TXNRD3: variants seen among roughly 807,000 people sequenced by gnomAD.
The protein encoded by TXNRD3 is TXNRD3 neighbor gene protein.
A neutral mutation model predicts 78.2 loss-of-function variants in TXNRD3; 68 were observed. That is an observed-to-expected ratio of 0.87 (90% CI 0.72 to 1.06). TXNRD3 has a LOEUF of 1.06. Among genes scored for constraint, TXNRD3 ranks in the 50% least tolerant of loss-of-function variants. TXNRD3 has a pLI of 0.00. For synonymous variants in TXNRD3, 296 were observed against 300.1 expected, an observed-to-expected ratio of 0.99 and a Z score of 0.14; for missense variants, 751 against 809.5, an observed-to-expected ratio of 0.93 and a Z score of 0.88.
At position 126,644,269 on chromosome 3, in the gene TXNRD3, T is replaced by C. The variant is rs536481945; in HGVS notation, c.519+28A>G. 13 of 1,515,184 alleles carry C rather than the reference T, an allele frequency of 8.6e-6. No individual in the cohort carries two copies. In the East Asian group the frequency reaches 3.2e-4, roughly 37 times the overall value. The allele number at this position is 1,515,184 out of a possible 1,614,324, so 93.9% of individuals were successfully genotyped here. On this transcript the variant is annotated intron_variant, in intron 4 of 15. Transcript: ENST00000524230. ...GCTATGGCAGTCATCAGGAAAATTA[T>C]CTACGAGTTTCATTTCTATATTCAT... is the stretch of plus-strand genomic sequence containing the variant.
intron 1 of TXNRD3, among the ~76,000 whole-genome samples, chr3:126,648,444 C>G (rs187086116): frequency 6.6e-5 from 10 of 152,270 alleles, no homozygotes. Flanking sequence ...AACAACAAAA[C>G]TTACTACAAA....
At chr3:126,628,457 C>T (rs1229580795) in intron 10 of TXNRD3, among the ~76,000 whole-genome samples, 1 of 152,030 alleles carries the variant, frequency 6.6e-6, no homozygotes, top group East Asian at 1.9e-4. Flanking sequence ...ATAAATTTTT[C>T]AGTAAGAGTT....
chr3:126,628,239 T>C lies in TXNRD3; in HGVS notation c.1290+1140A>G, dbSNP rs377061945. Among the ~76,000 whole-genome samples the C allele has an allele frequency of 2.6e-3, 399 of 152,236 alleles. 2 individuals are homozygous for C. Among genetic ancestry groups the C allele is most frequent in the African/African-American group, 9.1e-3 (380 of 41,552 alleles). On this transcript the variant is annotated intron_variant, in intron 10 of 15. Transcript: ENST00000524230. ...ATATAACAAAACCCTACAGAAAACA[T>C]TGCTTTTTAGTGAAACGTCTTTTCT... is the stretch of plus-strand genomic sequence containing the variant.
At chr3:126,620,182 C>T (rs1306795068) in intron 12 of TXNRD3, among the ~76,000 whole-genome samples, 1 of 151,776 alleles carries the variant, frequency 6.6e-6, no homozygotes, top group Admixed American at 6.6e-5. Flanking sequence ...GTAGTCCCAG[C>T]TACCTGGGAG....
intron 8 of TXNRD3, 87 bp downstream of exon 8, chr3:126,631,677 G>T: frequency 3.8e-6 from 3 of 793,344 alleles, no homozygotes; most frequent in Non-Finnish European, 6.0e-6. Flanking sequence ...CAAATCTTTT[G>T]TGGAATAAGA....
At chr3:126,614,826 C>T (rs536599501) in intron 13 of TXNRD3, among the ~76,000 whole-genome samples, 38 of 152,342 alleles carry the variant, frequency 2.5e-4, no homozygotes, top group African/African-American at 8.2e-4. Context: ...TATCCTCCCT[C>T]TCCCTCCTAG....
intron 12 of TXNRD3, among the ~76,000 whole-genome samples, chr3:126,618,863 C>CAAAAAAAA (rs36021189): frequency 8.2e-5 from 6 of 73,080 alleles, no homozygotes; most frequent in East Asian, 5.7e-4. Flanking sequence ...AACTCAGAGC[C>CAAAAAAAA]AAAAAAAAAA....
At chr3:126,633,596 A>G (rs992499399) in intron 7 of TXNRD3, among the ~76,000 whole-genome samples, 1 of 152,228 alleles carries the variant, frequency 6.6e-6, no homozygotes, top group African/African-American at 2.4e-5. Context: ...TTCCACTAAT[A>G]AAATTTTGAT....
intron 6 of TXNRD3, among the ~76,000 whole-genome samples, chr3:126,639,199 A>G (rs772980156): frequency 2.0e-5 from 3 of 152,232 alleles, no homozygotes; most frequent in Non-Finnish European, 2.9e-5. Context: ...CAAAATGTGC[A>G]TAATTCAAAT....
chr3:126,617,220 G>A (rs552619298), intron 12 of TXNRD3, among the ~76,000 whole-genome samples: 13 of 151,918 alleles, frequency 8.6e-5, no homozygotes, highest in South Asian at 2.1e-4. Flanking sequence ...GCTTCTTTCC[G>A]TCTTGAGCCT....
chr3:126,650,140 AAGTC>A lies in TXNRD3; in HGVS notation c.244-2848_244-2845del, dbSNP rs1933337490. Among the ~76,000 whole-genome samples, 6 of 152,282 alleles carry A rather than the reference AAGTC, an allele frequency of 3.9e-5. No homozygotes were observed. In the South Asian group the frequency reaches 1.2e-3, roughly 32 times the overall value. On this transcript the variant is annotated intron_variant, in intron 1 of 15. Transcript: ENST00000524230. ...ATTAATGTGGGGAAAGTACTTCTAA[AAGTC>A]AGGGCATTTTATTCACTGTATAGTT...
chr3:126,620,923 C>G (rs1314722889), intron 12 of TXNRD3, among the ~76,000 whole-genome samples: 5 of 152,168 alleles, frequency 3.3e-5, no homozygotes, highest in African/African-American at 1.2e-4. Context: ...ACTAATGCAG[C>G]AGGGCCCTTC....
chr3:126,613,791 C>A (rs1938247958), intron 13 of TXNRD3, among the ~76,000 whole-genome samples: 2 of 152,190 alleles, frequency 1.3e-5, no homozygotes, highest in African/African-American at 4.8e-5. Flanking sequence ...GTACATAATA[C>A]TTGATAAAGA....
At chr3:126,614,832 C>T (rs554995639) in intron 13 of TXNRD3, among the ~76,000 whole-genome samples, 38 of 152,294 alleles carry the variant, frequency 2.5e-4, no homozygotes, top group African/African-American at 8.2e-4. Flanking sequence ...CCCTCTCCCT[C>T]CTAGTTGGGA....
Position 126,642,033 on chromosome 3 carries a change from T to C in TXNRD3, c.711A>G (p.Gln237=). The change falls in exon 6 of 16, where the codon CAA becomes CAG. Residue 237 remains glutamine (Q), a splice_region_variant and synonymous_variant. Transcript: ENST00000524230. ...TATACTTTATGAACCATTACTCACC[T>C]TGTTGATTATATTCCCAGCCAAATT... 1 of 1,534,320 alleles carries C rather than the reference T, an allele frequency of 6.5e-7. No homozygotes were observed. The highest frequency in any genetic ancestry group is 8.7e-7 in the Non-Finnish European group (1 of 1,146,436).
intron 6 of TXNRD3, among the ~76,000 whole-genome samples, chr3:126,641,765 G>A (rs1487630642): frequency 6.6e-6 from 1 of 152,006 alleles, no homozygotes; most frequent in Non-Finnish European, 1.5e-5. Flanking sequence ...CTTGAAAGAA[G>A]TCTGAAAATA....
In TXNRD3 at chr3:126,615,402, A is replaced by G. The variant is rs1184469696; in HGVS notation, c.1585T>C (p.Leu529=). 6.6e-6 allele frequency: 10 copies of G among 1,521,536 alleles called. No individual in the cohort carries two copies. The highest frequency in any genetic ancestry group is 8.8e-6 in the Non-Finnish European group (10 of 1,140,356). The allele number at this position is 1,521,536 out of a possible 1,614,324, so 94.3% of individuals were successfully genotyped here. A position where few individuals can be genotyped will look rare whatever the true frequency, so the allele number is the denominator to read the frequency against. The change falls in exon 13 of 16, where the codon TTA becomes CTA. Residue 529 remains leucine (L), a synonymous_variant. Transcript: ENST00000524230. ...ACTTCAATAGCTTTCTCTTCAGATA[A>G]TCCACAGCAACCATACTCCAGAGGA... is the stretch of plus-strand genomic sequence containing the variant.
intron 1 of TXNRD3, among the ~76,000 whole-genome samples, chr3:126,651,390 T>G (rs899153664): frequency 3.3e-5 from 5 of 152,200 alleles, no homozygotes; most frequent in African/African-American, 4.8e-5. Flanking sequence ...AAAATTCCAA[T>G]AATCAGAGTT....
chr3:126,615,558 G>T, intron 12 of TXNRD3, 96 bp from the exon 13 acceptor site: 2 of 560,820 alleles, frequency 3.6e-6, no homozygotes, highest in Non-Finnish European at 5.7e-6. Context: ...AATCAGTCCA[G>T]TTCAGTGTAA....
Sources: allele counts gnomAD v4.1 joint callset (sites outside exome capture counted in the v4.1 genomes callset), GRCh38; gene constraint gnomAD v4.1.1; transcripts MANE v1.5; gene names NCBI Gene and HGNC (gene_info 2026-07-23, HGNC 2026-07-21).